SMS: variants seen among roughly 807,000 people sequenced by gnomAD.
SMS encodes spermidine aminopropyltransferase.
In SMS, 3 loss-of-function variants were observed where a neutral mutation model predicts 33.0. That is an observed-to-expected ratio of 0.09 (90% CI 0.04 to 0.23). SMS has a LOEUF of 0.23. Ranked by LOEUF, SMS falls within the 10% of genes least tolerant of loss-of-function variation. The pLI is 1.00. For missense variants in SMS, 117 were observed against 288.6 expected, an observed-to-expected ratio of 0.41 and a Z score of 4.31; for synonymous variants, 103 against 112.2, an observed-to-expected ratio of 0.92 and a Z score of 0.52.
At chrX:21,979,778 C>T (rs931008432) in intron 7 of SMS, among the ~76,000 whole-genome samples, 2 of 110,104 alleles carry the variant, frequency 1.8e-5, no homozygotes, top group South Asian at 3.8e-4. Flanking sequence ...GGAATCGCTA[C>T]GCTGTCTTCT....
At chrX:21,985,729 A>G (rs1213290991) in intron 9 of SMS, among the ~76,000 whole-genome samples, 1 of 112,225 alleles carries the variant, frequency 8.9e-6, no homozygotes. Flanking sequence ...ATGCATAAAC[A>G]TAAGATAAGC....
chrX:21,964,526 G>T (rs1031290063), intron 1 of SMS, among the ~76,000 whole-genome samples: 28 of 111,256 alleles, frequency 2.5e-4, no homozygotes, highest in African/African-American at 7.2e-4. Flanking sequence ...TTTTGGAAGG[G>T]GTTGCTCTAG....
In SMS at chrX:21,992,585, T is replaced by C; in HGVS notation, c.946-12T>C. ...CTCAAGAATCCCATTTGCTTATCTC[T>C]CTTTGATTTAGGGGAACTGTGTCAA... On this transcript the variant is annotated splice_polypyrimidine_tract_variant and intron_variant, in intron 9 of 10. Transcript: ENST00000404933. 2 of 1,128,584 alleles carry C rather than the reference T, an allele frequency of 1.8e-6. No homozygotes were observed. Among genetic ancestry groups the C allele is most frequent in the Non-Finnish European group, 2.4e-6 (2 of 820,981 alleles). 93.0% of individuals were successfully genotyped at this position (1,128,584 alleles called of 1,213,427 possible).
chrX:21,941,366 G>A (rs1391360284), intron 1 of SMS: 1 of 242,320 alleles, frequency 4.1e-6, no homozygotes, highest in South Asian at 3.9e-5. Context: ...TCTTGCAGGC[G>A]GGTAAATTTC....
intron 1 of SMS, among the ~76,000 whole-genome samples, chrX:21,966,318 T>C (rs1351613469): frequency 8.9e-6 from 1 of 112,673 alleles, no homozygotes; most frequent in Non-Finnish European, 1.9e-5. Context: ...ATTCCTCTTG[T>C]CATATCTTGG....
At chrX:21,969,954 C>T (rs1262884100) in intron 2 of SMS, among the ~76,000 whole-genome samples, 1 of 112,639 alleles carries the variant, frequency 8.9e-6, no homozygotes, top group Non-Finnish European at 1.9e-5. Flanking sequence ...GCTGGAATTA[C>T]AGGCACTCAC....
intron 9 of SMS, among the ~76,000 whole-genome samples, chrX:21,986,284 G>T (rs931393171): frequency 4.1e-5 from 4 of 97,657 alleles, no homozygotes; most frequent in Admixed American, 1.2e-4. Flanking sequence ...GGAGGCAGAG[G>T]TTGCAGTGAG....
chrX:21,942,863 G>A (rs1276873108), intron 1 of SMS, among the ~76,000 whole-genome samples: 1 of 94,864 alleles, frequency 1.1e-5, no homozygotes, highest in African/African-American at 4.2e-5. Context: ...ATTCTGAGAT[G>A]GAGTCTCACT....
intron 1 of SMS, among the ~76,000 whole-genome samples, chrX:21,944,544 A>AAGAAAAGAAAAG (rs1555992700): frequency 4.0e-5 from 4 of 99,058 alleles, no homozygotes; most frequent in Admixed American, 2.7e-4. Context: ...AAAAAAAAAA[A>AAGAAAAGAAAAG]AGAAAAAAAA....
intron 1 of SMS, among the ~76,000 whole-genome samples, chrX:21,953,214 G>A (rs760432015): frequency 9.1e-6 from 1 of 109,329 alleles, no homozygotes; most frequent in Non-Finnish European, 1.9e-5. Flanking sequence ...TATTATTTAG[G>A]TGCACCGGCC....
In SMS at chrX:21,994,832, G is replaced by C; in HGVS notation, c.*481G>C. ...GATTGCTTCAATTAAAATTACAAAA[G>C]AGACATTTTGTGTGTTCTGTCGTTT... On this transcript the variant is annotated 3_prime_UTR_variant, in exon 11 of 11. Coordinates refer to ENST00000404933, the MANE Select transcript of SMS (RefSeq NM_004595.5). 1.3e-6 allele frequency: 1 copy of C among 755,540 alleles called. No homozygotes were observed. The allele number at this position is 755,540 out of a possible 1,213,427, so 62.3% of individuals were successfully genotyped here. A position where few individuals can be genotyped will look rare whatever the true frequency, so the allele number is the denominator to read the frequency against.
At chrX:21,987,704 T>C (rs1314328617) in intron 9 of SMS, among the ~76,000 whole-genome samples, 2 of 112,520 alleles carry the variant, frequency 1.8e-5, no homozygotes, top group Non-Finnish European at 3.8e-5. Context: ...AATGTGAGGC[T>C]CTGGGATCTT....
chrX:21,971,094 G>T (rs1924123639), intron 2 of SMS, among the ~76,000 whole-genome samples: 1 of 109,218 alleles, frequency 9.2e-6, no homozygotes, highest in South Asian at 4.0e-4. Context: ...TACTCGGGAG[G>T]CTGAGACAGG....
At chrX:21,953,136 G>A (rs978993686) in intron 1 of SMS, among the ~76,000 whole-genome samples, 4 of 110,291 alleles carry the variant, frequency 3.6e-5, no homozygotes, top group African/African-American at 6.6e-5. Context: ...TTTCATATTC[G>A]GTGAGTTGTG....
At chrX:21,959,376 A>G (rs1449711197) in intron 1 of SMS, among the ~76,000 whole-genome samples, 1 of 112,050 alleles carries the variant, frequency 8.9e-6, no homozygotes, top group African/African-American at 3.2e-5. Flanking sequence ...TGATGGACTT[A>G]GCACATTCTG....
chrX:21,980,430 AT>A lies in SMS; in HGVS notation c.750+1465del, dbSNP rs1259857478. On this transcript the variant is annotated intron_variant, in intron 7 of 10. Transcript: ENST00000404933. ...AGACTGTCTCCAAAAAAAAAAAAAA[AT>A]ATATATATATATATATATATATTTC... 8.7e-3 allele frequency among the ~76,000 whole-genome samples: 268 copies of A among 30,917 alleles called. 3 individuals are homozygous for A. Among genetic ancestry groups the A allele is most frequent in the Middle Eastern group, 0.018 (1 of 55 alleles). The allele number at this position is 30,917 out of a possible 115,157, so 26.8% of individuals were successfully genotyped here.
At chrX:21,948,582 G>C (rs1381773401) in intron 1 of SMS, among the ~76,000 whole-genome samples, 1 of 110,285 alleles carries the variant, frequency 9.1e-6, no homozygotes, top group Non-Finnish European at 1.9e-5. Flanking sequence ...CTTCTCAGGA[G>C]ATAAAGATTA....
intron 1 of SMS, among the ~76,000 whole-genome samples, chrX:21,946,480 A>G (rs1424701086): frequency 1.8e-5 from 2 of 112,356 alleles, no homozygotes; most frequent in African/African-American, 6.5e-5. Flanking sequence ...TCCCCATTTT[A>G]AAGACAAATA....
chrX:21,945,634 T>TC (rs376720187), intron 1 of SMS, among the ~76,000 whole-genome samples: 3,623 of 34,044 alleles, frequency 0.11, 399 homozygotes, highest in African/African-American at 0.28. Context: ...TTGCTTCCCG[T>TC]CCCCCCCCCC....
Sources: allele counts gnomAD v4.1 joint callset (sites outside exome capture counted in the v4.1 genomes callset), GRCh38; gene constraint gnomAD v4.1.1; transcripts MANE v1.5; gene names NCBI Gene and HGNC (gene_info 2026-07-23, HGNC 2026-07-21).